DDO: variants seen among roughly 807,000 people sequenced by gnomAD.
DDO encodes the protein D-aspartate oxidase, also known as D-aspartate oxidase, DDO.
A neutral mutation model predicts 16.8 loss-of-function variants in DDO; 16 were observed. The ratio of observed to expected loss-of-function variants is 0.95; its 90% CI spans 0.65 to 1.45. DDO has a LOEUF of 1.45. Ranked by LOEUF, DDO falls within the 40% of genes most tolerant of loss-of-function variation. The probability of loss-of-function intolerance (pLI) is 0.00; values close to 1 mark genes in which losing one functional copy is unlikely to be tolerated. For missense variants in DDO, 429 were observed against 420.3 expected (o/e 1.02, Z -0.18); for synonymous variants, 180 against 167.2 (o/e 1.08, Z -0.59).
At chr6:110,413,684 T>G (rs1031602102) in intron 1 of DDO, among the ~76,000 whole-genome samples, 9 of 152,152 alleles carry the variant, frequency 5.9e-5, no homozygotes, top group Non-Finnish European at 1.3e-4. Flanking sequence ...TTTTAGAGAG[T>G]AACACAAAAC....
chr6:110,398,506 T>G (rs1023947011), intron 4 of DDO, among the ~76,000 whole-genome samples: 15 of 152,008 alleles, frequency 9.9e-5, no homozygotes, highest in African/African-American at 3.4e-4. Context: ...CCACTGAAGC[T>G]GAAGCCATGG....
Position 110,415,454 on chromosome 6 carries a change from A to G in DDO, c.-5+13T>C, listed in dbSNP as rs1774017034. On this transcript the variant is annotated intron_variant, in intron 1 of 4. Coordinates refer to ENST00000368924, the MANE Select transcript of DDO (RefSeq NM_001372108.2). ...CGGAACGACCCCTCAGCTGAAAGCA[A>G]GAATTCAAGTACCTGTCTCTGAAAA... is the stretch of plus-strand genomic sequence containing the variant. 6.2e-7 allele frequency: 1 copy of G among 1,614,140 alleles called. No individual in the cohort carries two copies. Among genetic ancestry groups the G allele is most frequent in the Admixed American group, 1.7e-5 (1 of 60,030 alleles).
At chr6:110,408,706 C>A (rs894592624) in intron 2 of DDO, among the ~76,000 whole-genome samples, 4 of 152,172 alleles carry the variant, frequency 2.6e-5, no homozygotes, top group African/African-American at 9.7e-5. Flanking sequence ...AGGGCAAAAC[C>A]CGGCATGCGA....
intron 4 of DDO, among the ~76,000 whole-genome samples, chr6:110,402,884 T>C (rs1388206591): frequency 1.3e-5 from 2 of 152,042 alleles, no homozygotes; most frequent in East Asian, 3.9e-4. Flanking sequence ...CACTCTTAGG[T>C]TCTCACTCAT....
rs1773484090 is a variant in DDO at position 110,401,473 on chromosome 6, A to AC, written c.458+3300_458+3301insG. On this transcript the variant is annotated intron_variant, in intron 4 of 4. Coordinates refer to ENST00000368924, the MANE Select transcript of DDO (RefSeq NM_001372108.2). ...AAGTAAAAAAGTGCTTTAAAAAAAA[A>AC]AAAAGCAAATCAAGTGAACATATCA... 4.6e-5 allele frequency among the ~76,000 whole-genome samples: 7 copies of AC among 151,986 alleles called. 1 individual carries two copies. Among genetic ancestry groups the AC allele is most frequent in the African/African-American group, 1.7e-4 (7 of 41,454 alleles).
At chr6:110,398,628 G>A (rs940804032) in intron 4 of DDO, among the ~76,000 whole-genome samples, 1 of 152,170 alleles carries the variant, frequency 6.6e-6, no homozygotes, top group South Asian at 2.1e-4. Flanking sequence ...GAGCTCCAGG[G>A]CAGACATGGC....
intron 2 of DDO, among the ~76,000 whole-genome samples, chr6:110,410,436 C>T (rs1271281225): frequency 2.0e-5 from 3 of 152,220 alleles, no homozygotes; most frequent in Admixed American, 6.5e-5. Flanking sequence ...GTGTATTAGT[C>T]TGTTCTCACA....
At chr6:110,389,263 C>T (rs1773062773), downstream of DDO, among the ~76,000 whole-genome samples, 1 of 152,212 alleles carries the variant, frequency 6.6e-6, no homozygotes. Flanking sequence ...CTCTGGGTTT[C>T]GGGCATTCAG....
chr6:110,401,011 T>A (rs1773469392), intron 4 of DDO, among the ~76,000 whole-genome samples: 1 of 152,226 alleles, frequency 6.6e-6, no homozygotes, highest in South Asian at 2.1e-4. Context: ...ACCTGCACTG[T>A]CTTCCTCCCG....
Position 110,392,839 on chromosome 6 carries a change from G to C in DDO, c.962C>G (p.Ala321Gly). ...GACACACTCGCTCACCAGCCTGGCG[G>C]CCTCCAGAGCAGTGCCCCAGTGCAC... is the stretch of plus-strand genomic sequence containing the variant. ...ISVHWGTALE[A>G]ARLVSECVHA... Residue 321 changes from alanine to glycine, a missense_variant, in exon 5 of 5, where the codon GCC (alanine) becomes GGC (glycine). Transcript: ENST00000368924. 6.2e-7 allele frequency: 1 copy of C among 1,611,200 alleles called. No individual in the cohort carries two copies. Among genetic ancestry groups the C allele is most frequent in the Non-Finnish European group, 8.5e-7 (1 of 1,178,168 alleles).
Position 110,392,893 on chromosome 6 carries a change from T to C in DDO, c.908A>G (p.His303Arg). 6.2e-7 allele frequency: 1 copy of C among 1,614,212 alleles called. No homozygotes were observed. Among genetic ancestry groups the C allele is most frequent in the Non-Finnish European group, 8.5e-7 (1 of 1,180,028 alleles). Reference protein sequence around the residue: ...RDGQRLPVVHHYGHGSGGISV... With the variant: ...RDGQRLPVVHRYGHGSGGISV... The stretch of plus-strand genomic sequence containing the variant: ...GATGCCCCCACTCCCATGGCCATAG[T>C]GGTGGACTACAGGCAGCCTCTGTCC... Residue 303 changes from histidine (H) to arginine (R), a missense_variant, in exon 5 of 5, where the codon CAC becomes CGC. By Grantham distance (29) the His-to-Arg change is conservative. Coordinates refer to ENST00000368924, the MANE Select transcript of DDO (RefSeq NM_001372108.2).
chr6:110,389,822 G>A (rs6939019), downstream of DDO, among the ~76,000 whole-genome samples: 82,102 of 152,108 alleles, frequency 0.54, 22,484 homozygotes, highest in East Asian at 0.78. Flanking sequence ...TTCTAGAGAT[G>A]GCAATATGGC....
intron 1 of DDO, among the ~76,000 whole-genome samples, chr6:110,415,172 C>A: frequency 6.6e-6 from 1 of 152,238 alleles, no homozygotes; most frequent in African/African-American, 2.4e-5. Context: ...TGGTGGGGGC[C>A]AGCTTGAGTA....
At chr6:110,409,061 A>G (rs997691151) in intron 2 of DDO, among the ~76,000 whole-genome samples, 6 of 152,158 alleles carry the variant, frequency 3.9e-5, no homozygotes, top group African/African-American at 1.2e-4. Flanking sequence ...CTTCCACACC[A>G]TGGAATCAGG....
Position 110,392,958 on chromosome 6 carries a change from C to T in DDO, c.843G>A (p.Arg281=). ...GCTCTGTCTGCAGTCGCACGCCTGGCCTGTAGGGCCTCAAGCCCACCTTCT... is the reference window on the plus strand; with the variant it reads ...GCTCTGTCTGCAGTCGCACGCCTGGTCTGTAGGGCCTCAAGCCCACCTTCT... ...IREKVGLRPY[R]PGVRLQTELL... is the part of the protein sequence containing the mutation. The change falls in exon 5 of 5, where the codon AGG becomes AGA. Residue 281 remains arginine (R), a synonymous_variant. Coordinates refer to ENST00000368924, the MANE Select transcript of DDO (RefSeq NM_001372108.2). 1 of 1,613,924 alleles carries T rather than the reference C, an allele frequency of 6.2e-7. No homozygotes were observed. The highest frequency in any genetic ancestry group is 8.5e-7 in the Non-Finnish European group (1 of 1,179,820).
At chr6:110,410,432 T>C (rs1386160034) in intron 2 of DDO, among the ~76,000 whole-genome samples, 1 of 152,230 alleles carries the variant, frequency 6.6e-6, no homozygotes, top group Non-Finnish European at 1.5e-5. Context: ...GCTGGTGTAT[T>C]AGTCTGTTCT....
intron 4 of DDO, among the ~76,000 whole-genome samples, chr6:110,400,016 T>TCCGG (rs1773423924): frequency 6.6e-6 from 1 of 152,152 alleles, no homozygotes; most frequent in Non-Finnish European, 1.5e-5. Context: ...TCCGCCGGTC[T>TCCGG]CCGGCCGATG....
At chr6:110,406,070 C>G (rs1431527068) in intron 3 of DDO, among the ~76,000 whole-genome samples, 2 of 152,150 alleles carry the variant, frequency 1.3e-5, no homozygotes, top group Non-Finnish European at 2.9e-5. Flanking sequence ...TCTGTGCTGG[C>G]CCACTCTTGC....
At chr6:110,405,661 A>G (rs886231004) in intron 3 of DDO, among the ~76,000 whole-genome samples, 3 of 152,138 alleles carry the variant, frequency 2.0e-5, no homozygotes, top group African/African-American at 4.8e-5. Flanking sequence ...GCTCACACCT[A>G]TCTATGATCC....
Sources: gnomAD v4.1 joint callset for allele counts (sites outside exome capture counted in the v4.1 genomes callset) on GRCh38, gnomAD v4.1.1 for gene constraint, MANE v1.5 for transcripts, NCBI Gene and HGNC (gene_info 2026-07-23, HGNC 2026-07-21) for gene names.